Variants in GLT1D1 observed in about 807,000 individuals in gnomAD.
GLT1D1 encodes the protein glycosyltransferase 1 domain-containing protein 1.
In GLT1D1, 21 loss-of-function variants were observed where a neutral mutation model predicts 28.7. The ratio of observed to expected loss-of-function variants is 0.73; its 90% CI spans 0.52 to 1.05. The LOEUF is 1.05. Among genes scored for constraint, GLT1D1 ranks in the 50% least tolerant of loss-of-function variants. The pLI is 0.00. For missense variants in GLT1D1, 343 were observed against 330.6 expected, an observed-to-expected ratio of 1.04 and a Z score of -0.29; for synonymous variants, 147 against 124.8, an observed-to-expected ratio of 1.18 and a Z score of -1.19.
rs758210457 is a variant in GLT1D1 at position 128,957,533 on chromosome 12, T to G, written c.541-12T>G. The G allele has an allele frequency of 6.3e-7, 1 of 1,595,448 alleles. No homozygotes were observed. The highest frequency in any genetic ancestry group is 1.1e-5 in the South Asian group (1 of 90,686). ...GACTGCCTTCCACCCCCTTTTCTCC[T>G]GTCTCCTCCAGGCAATGGATTTAGA... On this transcript the variant is annotated splice_polypyrimidine_tract_variant and intron_variant, in intron 6 of 7. Coordinates refer to ENST00000281703, the MANE Select transcript of GLT1D1 (RefSeq NM_144669.3).
intron 3 of GLT1D1, among the ~76,000 whole-genome samples, chr12:128,898,510 C>T (rs1057502291): frequency 6.6e-6 from 1 of 152,164 alleles, no homozygotes; most frequent in African/African-American, 2.4e-5. Context: ...GATTGTTTGT[C>T]ACCCAATTAT....
Position 128,898,140 on chromosome 12 carries a change from C to T in GLT1D1, c.324-1096C>T, listed in dbSNP as rs148417090. Among the ~76,000 whole-genome samples, 63 of 151,538 alleles carry T rather than the reference C, an allele frequency of 4.2e-4. 2 individuals are homozygous for T. In the East Asian group the frequency reaches 0.012, roughly 29 times the overall value. On this transcript the variant is annotated intron_variant, in intron 3 of 7. Transcript: ENST00000281703. ...TGAATTCTTCTTCTTCTTCCTCTTC[C>T]TCTTCTTCCTCCTCCTCCTCCTCCT...
At chr12:128,928,418 C>A (rs1873507842) in intron 4 of GLT1D1, among the ~76,000 whole-genome samples, 1 of 152,102 alleles carries the variant, frequency 6.6e-6, no homozygotes, top group Non-Finnish European at 1.5e-5. Flanking sequence ...AGATCAGGAC[C>A]AAACACGTGC....
At chr12:128,968,811 C>T (rs780017555) in intron 7 of GLT1D1, among the ~76,000 whole-genome samples, 4 of 152,060 alleles carry the variant, frequency 2.6e-5, no homozygotes, top group Non-Finnish European at 5.9e-5. Context: ...TCCCTTGCCT[C>T]GGGCCACTTG....
At chr12:128,963,639 G>A (rs752452672) in intron 7 of GLT1D1, among the ~76,000 whole-genome samples, 5 of 152,106 alleles carry the variant, frequency 3.3e-5, no homozygotes, top group East Asian at 3.9e-4. Flanking sequence ...GTGAGACTCC[G>A]TCTCAAAACA....
rs57936351 is a variant in GLT1D1 at position 128,912,544 on chromosome 12, AATATAT to A, written c.375+13266_375+13271del. On this transcript the variant is annotated intron_variant, in intron 4 of 7. Coordinates refer to ENST00000281703, the MANE Select transcript of GLT1D1 (RefSeq NM_144669.3). ...AATAGATGCATATTTATATGTGATA[AATATAT>A]ATATATATTTAAAAGAATAAGTTTG... 8.2e-5 allele frequency: 43 copies of A among 526,746 alleles called. No individual in the cohort carries two copies. The East Asian group carries it at 1.4e-3, about 17-fold the overall frequency. The allele number at this position is 526,746 out of a possible 1,614,324, so 32.6% of individuals were successfully genotyped here.
At position 128,908,437 on chromosome 12, in the gene GLT1D1, TTCTTTCCTTCTTTCCC is replaced by T. The variant is rs1347410653; in HGVS notation, c.375+9165_375+9180del. Among the ~76,000 whole-genome samples, 184 of 151,534 alleles carry T rather than the reference TTCTTTCCTTCTTTCCC, an allele frequency of 1.2e-3. 1 individual carries two copies. The highest frequency in any genetic ancestry group is 4.3e-3 in the African/African-American group (177 of 41,322). On this transcript the variant is annotated intron_variant, in intron 4 of 7. Coordinates refer to ENST00000281703, the MANE Select transcript of GLT1D1 (RefSeq NM_144669.3). ...CTTTCTTTTTCTTTCCTTTCTTCCT[TTCTTTCCTTCTTTCCC>T]TCTTTCCTTCTTTCTTTCCTTCTTT... is the stretch of plus-strand genomic sequence containing the variant.
chr12:128,876,315 T>G (rs1956869803), intron 2 of GLT1D1, among the ~76,000 whole-genome samples: 1 of 152,172 alleles, frequency 6.6e-6, no homozygotes, highest in Non-Finnish European at 1.5e-5. Flanking sequence ...GTTTATTTAT[T>G]TGTTTTTTTG....
intron 4 of GLT1D1, among the ~76,000 whole-genome samples, chr12:128,910,674 G>A (rs996826468): frequency 1.1e-4 from 15 of 141,646 alleles, no homozygotes; most frequent in Admixed American, 5.4e-4. Context: ...TTCAATGGTC[G>A]CCTTTAGCCT....
intron 7 of GLT1D1, among the ~76,000 whole-genome samples, chr12:128,961,957 G>C (rs750995620): frequency 6.6e-6 from 1 of 152,070 alleles, no homozygotes; most frequent in Non-Finnish European, 1.5e-5. Context: ...CTGGTAACCC[G>C]AACTCTGTCC....
At chr12:128,942,373 T>A (rs1369724269) in intron 4 of GLT1D1, among the ~76,000 whole-genome samples, 1 of 152,200 alleles carries the variant, frequency 6.6e-6, no homozygotes. Flanking sequence ...GAATGAAGTG[T>A]GTACTATAAT....
intron 3 of GLT1D1, among the ~76,000 whole-genome samples, chr12:128,890,288 T>A (rs1360788575): frequency 1.3e-5 from 2 of 152,196 alleles, no homozygotes; most frequent in Non-Finnish European, 2.9e-5. Context: ...TTTTGTAGAA[T>A]GAGGTGCTGC....
At chr12:128,959,326 G>T (rs564045519) in intron 7 of GLT1D1, among the ~76,000 whole-genome samples, 2 of 149,302 alleles carry the variant, frequency 1.3e-5, no homozygotes, top group East Asian at 3.9e-4. Flanking sequence ...GTGTGGTGAC[G>T]TGTCATGCTT....
Position 128,966,802 on chromosome 12 carries a change from T to A in GLT1D1, c.639+9159T>A, listed in dbSNP as rs76652799. ...TAAAAAGCCATTTTTAATTTTTTTTTAAAAAATGACGATTAAACATATTCA... is the reference window on the plus strand; with the variant it reads ...TAAAAAGCCATTTTTAATTTTTTTTAAAAAAATGACGATTAAACATATTCA... On this transcript the variant is annotated intron_variant, in intron 7 of 7. Transcript: ENST00000281703. Among the ~76,000 whole-genome samples the A allele has an allele frequency of 5.8e-3, 735 of 126,526 alleles. 5 individuals are homozygous for A. Among genetic ancestry groups the A allele is most frequent in the Admixed American group, 0.014 (173 of 12,316 alleles). The allele number at this position is 126,526 out of a possible 152,430, so 83.0% of individuals were successfully genotyped here.
At chr12:128,920,285 G>T (rs915885676) in intron 4 of GLT1D1, among the ~76,000 whole-genome samples, 2 of 152,130 alleles carry the variant, frequency 1.3e-5, no homozygotes, top group African/African-American at 2.4e-5. Flanking sequence ...AGTGGCTCAC[G>T]CCTGTAATCC....
At chr12:128,858,909 A>G (rs942753806) in intron 1 of GLT1D1, among the ~76,000 whole-genome samples, 18 of 152,168 alleles carry the variant, frequency 1.2e-4, no homozygotes, top group African/African-American at 4.3e-4. Context: ...GACAAGCCTC[A>G]ACCAATTGTC....
chr12:128,924,937 G>A lies in GLT1D1; in HGVS notation c.376-20389G>A, dbSNP rs12312027. ...ATCTGTTCCACTTCAGATGGGAAGG[G>A]CTGCAAAGACTGTGGCCATCCACCA... is the stretch of plus-strand genomic sequence containing the variant. On this transcript the variant is annotated intron_variant, in intron 4 of 7. Coordinates refer to ENST00000281703, the MANE Select transcript of GLT1D1 (RefSeq NM_144669.3). Among the ~76,000 whole-genome samples the A allele has an allele frequency of 7.7e-3, 1,169 of 152,290 alleles. 16 individuals carry two copies. The highest frequency in any genetic ancestry group is 0.027 in the African/African-American group (1,116 of 41,550).
chr12:128,861,010 T>C (rs1377397342), intron 1 of GLT1D1, among the ~76,000 whole-genome samples: 2 of 152,148 alleles, frequency 1.3e-5, no homozygotes, highest in Non-Finnish European at 2.9e-5. Context: ...TGGAGGGGGA[T>C]AAACTGCACA....
At chr12:128,876,670 C>T (rs1275120064) in intron 2 of GLT1D1, among the ~76,000 whole-genome samples, 1 of 152,048 alleles carries the variant, frequency 6.6e-6, no homozygotes, top group Non-Finnish European at 1.5e-5. Context: ...AATTCTTTTA[C>T]AAATAGAGCA....
Sources: gnomAD v4.1 joint callset for allele counts (sites outside exome capture counted in the v4.1 genomes callset) on GRCh38, gnomAD v4.1.1 for gene constraint, MANE v1.5 for transcripts, NCBI Gene and HGNC (gene_info 2026-07-23, HGNC 2026-07-21) for gene names.